DOK6: variants seen among roughly 807,000 people sequenced by gnomAD.
DOK6 encodes the protein downstream of tyrosine kinase 6.
DOK6 carries 22 observed loss-of-function variants against 44.0 expected under a neutral mutation model. The ratio of observed to expected loss-of-function variants is 0.50; its 90% CI spans 0.36 to 0.71. The LOEUF (loss-of-function observed/expected upper bound fraction) is 0.71. Ranked by LOEUF, DOK6 falls within the 30% of genes least tolerant of loss-of-function variation. The pLI is 0.00. For synonymous variants in DOK6, 166 were observed against 145.5 expected, an observed-to-expected ratio of 1.14 and a Z score of -1.01; for missense variants, 340 against 416.4, an observed-to-expected ratio of 0.82 and a Z score of 1.60.
At chr18:69,743,254 A>G (rs905274618) in intron 6 of DOK6, among the ~76,000 whole-genome samples, 5 of 152,258 alleles carry the variant, frequency 3.3e-5, no homozygotes, top group Non-Finnish European at 7.3e-5. Flanking sequence ...TTTGAACACG[A>G]TATGTTCATC....
At chr18:69,757,728 G>T (rs1979404061) in intron 6 of DOK6, 28 bp from the exon 7 acceptor site, 1 of 1,577,654 alleles carries the variant, frequency 6.3e-7, no homozygotes. Context: ...TTAAAACGAG[G>T]CCTAAAACAC....
rs1362436788 is a variant in DOK6 at position 69,841,902 on chromosome 18, A to C, written c.*519A>C. ...AATAAACCCAGTGACAATTAAAGGA[A>C]CATGAAATTCAGAACACACTATTAA... On this transcript the variant is annotated 3_prime_UTR_variant, in exon 8 of 8. Coordinates refer to ENST00000382713, the MANE Select transcript of DOK6 (RefSeq NM_152721.6). The C allele has an allele frequency of 3.8e-5, 6 of 157,772 alleles. No individual in the cohort carries two copies. Among genetic ancestry groups the C allele is most frequent in the Non-Finnish European group, 8.4e-5 (6 of 71,096 alleles). The allele number at this position is 157,772 out of a possible 1,614,324, so 9.8% of individuals were successfully genotyped here.
chr18:69,468,570 C>CT (rs759504152), intron 1 of DOK6, among the ~76,000 whole-genome samples: 59 of 152,196 alleles, frequency 3.9e-4, no homozygotes, highest in Non-Finnish European at 7.3e-4. Flanking sequence ...CCTACATAGT[C>CT]TGTCAGTTTA....
At chr18:69,554,094 T>A (rs1171402179) in intron 1 of DOK6, among the ~76,000 whole-genome samples, 2 of 152,134 alleles carry the variant, frequency 1.3e-5, no homozygotes, top group African/African-American at 4.8e-5. Context: ...AACTTCAACA[T>A]GTGATATTTT....
At position 69,778,314 on chromosome 18, in the gene DOK6, A is replaced by C. The variant is rs537940838; in HGVS notation, c.856+20441A>C. Among the ~76,000 whole-genome samples, 5 of 152,298 alleles carry C rather than the reference A, an allele frequency of 3.3e-5. No homozygotes were observed. The South Asian group carries it at 1.0e-3, about 32-fold the overall frequency. ...TAGAAGCAGATGCCGAGATGGGTTG[A>C]GATGCACGAGAGTTAGCCAGTTAGG... On this transcript the variant is annotated intron_variant, in intron 7 of 7. Coordinates refer to ENST00000382713, the MANE Select transcript of DOK6 (RefSeq NM_152721.6).
intron 2 of DOK6, among the ~76,000 whole-genome samples, chr18:69,578,944 T>C (rs144432267): frequency 8.2e-4 from 125 of 152,298 alleles, no homozygotes; most frequent in Middle Eastern, 3.4e-3. Flanking sequence ...ATTTATATAG[T>C]ATTTTAATAT....
chr18:69,608,312 T>C (rs1008705215), intron 3 of DOK6, among the ~76,000 whole-genome samples: 1 of 152,248 alleles, frequency 6.6e-6, no homozygotes, highest in Admixed American at 6.5e-5. Context: ...AAAGATGAGT[T>C]GACTATATAC....
chr18:69,659,919 TAAC>T (rs1181008427), intron 3 of DOK6: 2 of 78,782 alleles, frequency 2.5e-5, no homozygotes, highest in Non-Finnish European at 6.0e-5. Context: ...TTTATATATA[TAAC>T]ATATATGTAT....
chr18:69,791,472 T>A (rs114049502), intron 7 of DOK6, among the ~76,000 whole-genome samples: 2,055 of 152,294 alleles, frequency 0.013, 42 homozygotes, highest in African/African-American at 0.047. Context: ...GATACCTCAA[T>A]GTAGTTTTAA....
intron 1 of DOK6, among the ~76,000 whole-genome samples, chr18:69,463,806 T>C (rs1979854718): frequency 6.6e-6 from 1 of 152,114 alleles, no homozygotes; most frequent in African/African-American, 2.4e-5. Flanking sequence ...TGTGTGCATG[T>C]GTGTCCGTGT....
At chr18:69,457,407 T>A (rs995105312) in intron 1 of DOK6, among the ~76,000 whole-genome samples, 1 of 152,118 alleles carries the variant, frequency 6.6e-6, no homozygotes, top group African/African-American at 2.4e-5. Context: ...GAATAGAGAG[T>A]CCTTTCTCTG....
chr18:69,818,841 C>T (rs1399438656), intron 7 of DOK6, among the ~76,000 whole-genome samples: 2 of 152,196 alleles, frequency 1.3e-5, no homozygotes, highest in African/African-American at 4.8e-5. Flanking sequence ...AGAAAAGCCA[C>T]AGTCATAGCC....
At chr18:69,818,647 C>A (rs1378348783) in intron 7 of DOK6, among the ~76,000 whole-genome samples, 1 of 152,192 alleles carries the variant, frequency 6.6e-6, no homozygotes, top group Non-Finnish European at 1.5e-5. Flanking sequence ...ACCTTCAGAA[C>A]AACACCTACA....
intron 1 of DOK6, among the ~76,000 whole-genome samples, chr18:69,537,328 C>T (rs1982151263): frequency 6.6e-6 from 1 of 152,148 alleles, no homozygotes; most frequent in South Asian, 2.1e-4. Flanking sequence ...GGCTTTTTTC[C>T]GCGGGCTATG....
intron 2 of DOK6, among the ~76,000 whole-genome samples, chr18:69,580,365 C>A (rs1397830201): frequency 6.6e-6 from 1 of 152,172 alleles, no homozygotes; most frequent in East Asian, 1.9e-4. Context: ...TAATTCTCTC[C>A]CTCTCCAAGC....
chr18:69,623,534 C>T lies in DOK6; in HGVS notation c.289+24036C>T, dbSNP rs570896690. Among the ~76,000 whole-genome samples the T allele has an allele frequency of 2.6e-5, 4 of 152,258 alleles. No homozygotes were observed. In the South Asian group the frequency reaches 8.3e-4, roughly 32 times the overall value. Reference sequence around the variant, plus strand: ...ACTGGCTCATAATGTGCATAATCACCTTTTCAAGAAAAATTATTTGTCTTC... The same window carrying T: ...ACTGGCTCATAATGTGCATAATCACTTTTTCAAGAAAAATTATTTGTCTTC... On this transcript the variant is annotated intron_variant, in intron 3 of 7. Transcript: ENST00000382713.
chr18:69,570,040 G>A (rs1340667895), intron 2 of DOK6, among the ~76,000 whole-genome samples: 2 of 151,882 alleles, frequency 1.3e-5, no homozygotes, highest in East Asian at 3.9e-4. Flanking sequence ...GGATCTACTT[G>A]AGGGAGGAGG....
rs1246649585 is a variant in DOK6 at position 69,735,034 on chromosome 18, T to C, written c.600-3931T>C. On this transcript the variant is annotated intron_variant, in intron 5 of 7. Coordinates refer to ENST00000382713, the MANE Select transcript of DOK6 (RefSeq NM_152721.6). The stretch of plus-strand genomic sequence containing the variant: ...GGCTGATTCTGCCCTTGAAGGCAAC[T>C]AAGAGAACCATGAATAGTGGAGCAC... Among the ~76,000 whole-genome samples the C allele has an allele frequency of 7.2e-5, 11 of 152,340 alleles. No homozygotes were observed. In the East Asian group the frequency reaches 1.2e-3, roughly 16 times the overall value.
At chr18:69,503,348 C>G (rs1981097303) in intron 1 of DOK6, among the ~76,000 whole-genome samples, 1 of 152,062 alleles carries the variant, frequency 6.6e-6, no homozygotes, top group African/African-American at 2.4e-5. Context: ...GAATTTTCAA[C>G]ACAGAAGCTG....
Sources: allele counts gnomAD v4.1 joint callset (sites outside exome capture counted in the v4.1 genomes callset), GRCh38; gene constraint gnomAD v4.1.1; transcripts MANE v1.5; gene names NCBI Gene and HGNC (gene_info 2026-07-23, HGNC 2026-07-21).